Variants in PITPNM3 observed in about 807,000 individuals in gnomAD.
PITPNM3 encodes the protein PITPNM family member 3, also known as membrane-associated phosphatidylinositol transfer protein 3.
In PITPNM3, 26 loss-of-function variants were observed where a neutral mutation model predicts 102.0. The ratio of observed to expected loss-of-function variants is 0.25; its 90% CI spans 0.19 to 0.35. The LOEUF is 0.35. Ranked by LOEUF, PITPNM3 falls within the 10% of genes least tolerant of loss-of-function variation. PITPNM3 has a pLI of 1.00. For missense variants in PITPNM3, 1,083 were observed against 1,346.1 expected (o/e 0.80, Z 3.06); for synonymous variants, 578 against 558.6 (o/e 1.03, Z -0.49).
At chr17:6,474,364 C>T in intron 10 of PITPNM3, 68 bp downstream of exon 10, 1 of 1,555,846 alleles carries the variant, frequency 6.4e-7, no homozygotes, top group Non-Finnish European at 8.8e-7. Flanking sequence ...TCTCCTCATT[C>T]TGAGGCCCTG....
intron 4 of PITPNM3, among the ~76,000 whole-genome samples, chr17:6,503,049 C>A (rs182978865): frequency 6.6e-6 from 1 of 152,288 alleles, no homozygotes; most frequent in East Asian, 1.9e-4. Context: ...CCGGGCACAT[C>A]CAGGAATGAA....
intron 1 of PITPNM3, among the ~76,000 whole-genome samples, chr17:6,540,805 C>G (rs1909691074): frequency 6.6e-6 from 1 of 152,128 alleles, no homozygotes; most frequent in Non-Finnish European, 1.5e-5. Flanking sequence ...ATTACAGGTG[C>G]CTGCCACCAT....
At chr17:6,516,002 G>A (rs912511841) in intron 3 of PITPNM3, among the ~76,000 whole-genome samples, 4 of 152,126 alleles carry the variant, frequency 2.6e-5, no homozygotes, top group African/African-American at 4.8e-5. Context: ...ACAACACAGC[G>A]AGACCCTGTC....
intron 1 of PITPNM3, among the ~76,000 whole-genome samples, chr17:6,544,654 T>TCTCTCTCTCTCACACACACACACA (rs376230474): frequency 7.7e-6 from 1 of 130,206 alleles, no homozygotes; most frequent in African/African-American, 3.1e-5. Context: ...TCTCTCTCTC[T>TCTCTCTCTCTCACACACACACACA]CACACACACA....
rs554958088 is a variant in PITPNM3, at chr17:6,476,098, G to C, written c.1085+931C>G. Among the ~76,000 whole-genome samples, 4 of 152,246 alleles carry C rather than the reference G, an allele frequency of 2.6e-5. No individual in the cohort carries two copies. The South Asian group carries it at 8.3e-4, about 32-fold the overall frequency. On this transcript the variant is annotated intron_variant, in intron 9 of 19. Coordinates refer to ENST00000262483, the MANE Select transcript of PITPNM3 (RefSeq NM_031220.4). ...ATATCCATTCATTCGACATTATATT[G>C]CCATTAAGAATATTTATCAAGTATT...
chr17:6,525,252 C>G (rs539256514), intron 3 of PITPNM3, 104 bp downstream of exon 3: 2 of 1,023,738 alleles, frequency 2.0e-6, no homozygotes, highest in South Asian at 2.5e-5. Context: ...GGCAGATAGA[C>G]TCTTCACAGA....
chr17:6,522,115 G>A (rs773609950), intron 3 of PITPNM3, among the ~76,000 whole-genome samples: 6 of 151,642 alleles, frequency 4.0e-5, no homozygotes, highest in African/African-American at 4.9e-5. Flanking sequence ...AAATATTCAA[G>A]ATTAGTGAAA....
intron 17 of PITPNM3, among the ~76,000 whole-genome samples, chr17:6,463,447 C>CAGGGAGGG (rs1904585985): frequency 7.5e-6 from 1 of 133,820 alleles, no homozygotes; most frequent in African/African-American, 3.1e-5. Context: ...AGGAGGGAGG[C>CAGGGAGGG]AGGGAGGGAA....
Position 6,459,011 on chromosome 17 carries a change from A to G in PITPNM3, c.2491-1289T>C, listed in dbSNP as rs959708388. 8.5e-5 allele frequency among the ~76,000 whole-genome samples: 13 copies of G among 152,120 alleles called. No homozygotes were observed. Among genetic ancestry groups the G allele is most frequent in the Non-Finnish European group, 1.6e-4 (11 of 68,006 alleles). The stretch of plus-strand genomic sequence containing the variant: ...CCTCAGCCCACTGCCCCTCACCTCA[A>G]TGGTTGGTTTATTCCCAACTGGCCT... On this transcript the variant is annotated intron_variant, in intron 18 of 19. Transcript: ENST00000262483. The surrounding 1 kb of genome is among the most constrained non-coding windows in gnomAD (Gnocchi z 5.0).
At chr17:6,484,182 G>C (rs1358259584) in intron 5 of PITPNM3, 34 bp downstream of exon 5, 1 of 1,552,356 alleles carries the variant, frequency 6.4e-7, no homozygotes, top group African/African-American at 1.4e-5. Flanking sequence ...TGGCCTCTGA[G>C]TTGAGCCCAG....
At chr17:6,523,637 A>G (rs1908663113) in intron 3 of PITPNM3, among the ~76,000 whole-genome samples, 1 of 152,202 alleles carries the variant, frequency 6.6e-6, no homozygotes, top group South Asian at 2.1e-4. Flanking sequence ...TTGTCTTTTC[A>G]AGGCTACAAG....
chr17:6,487,364 G>A (rs996418052), intron 4 of PITPNM3, among the ~76,000 whole-genome samples: 5 of 152,174 alleles, frequency 3.3e-5, no homozygotes, highest in African/African-American at 1.2e-4. Flanking sequence ...CACAGGAAGT[G>A]TCACATGGGT....
At chr17:6,536,516 C>G (rs1046692009) in intron 2 of PITPNM3, among the ~76,000 whole-genome samples, 1 of 152,164 alleles carries the variant, frequency 6.6e-6, no homozygotes, top group South Asian at 2.1e-4. Context: ...TTAGGGCTGG[C>G]CTCAGGGAAG....
At chr17:6,530,524 G>A (rs897414437) in intron 2 of PITPNM3, among the ~76,000 whole-genome samples, 6 of 152,200 alleles carry the variant, frequency 3.9e-5, no homozygotes, top group Non-Finnish European at 1.5e-5. Flanking sequence ...GAGAGAGCAA[G>A]AAACCAAGGA....
intron 3 of PITPNM3, among the ~76,000 whole-genome samples, chr17:6,516,765 A>G (rs1484422793): frequency 1.3e-5 from 2 of 149,582 alleles, no homozygotes; most frequent in African/African-American, 4.9e-5. Flanking sequence ...CATGGTGGCA[A>G]ATGCCTGTAA....
rs541391836 is a variant in PITPNM3 at position 6,482,229 on chromosome 17, C to CT, written c.587+1287dup. Among the ~76,000 whole-genome samples, 35 of 152,160 alleles carry CT rather than the reference C, an allele frequency of 2.3e-4. No individual in the cohort carries two copies. The East Asian group carries it at 6.6e-3, about 29-fold the overall frequency. On this transcript the variant is annotated intron_variant, in intron 6 of 19. Transcript: ENST00000262483. ...GAATGCTGCAGAGGCCAAGAAGAAT[C>CT]TGAGCAGACAGGCCCTGTTGGGTTT...
chr17:6,477,068 T>G lies in PITPNM3; in HGVS notation c.1046A>C (p.Asp349Ala). The G allele has an allele frequency of 6.2e-7, 1 of 1,614,148 alleles. No individual in the cohort carries two copies. Among genetic ancestry groups the G allele is most frequent in the South Asian group, 1.1e-5 (1 of 91,066 alleles). The change falls in exon 9 of 20, where the codon GAC becomes GCC. Residue 349 changes from aspartate to alanine, a missense_variant. Asp to Ala is a moderately radical substitution (Grantham distance 126). Transcript: ENST00000262483. Reference sequence around the variant, plus strand: ...ATGGTGCTGGGTGATGGCCTCGCAGTCATAGGTGGAGGAGTCGCTCTGTTT... The same window carrying G: ...ATGGTGCTGGGTGATGGCCTCGCAGGCATAGGTGGAGGAGTCGCTCTGTTT... The part of the protein sequence containing the change: ...PRKQSDSSTY[D>A]CEAITQHHAF...
rs1443760824 is a variant in PITPNM3, at chr17:6,556,355, C to T, written c.22+30G>A. ...ACGCGCGAGTCCCTCCCCCGGGCCC[C>T]GGCCCTGCCCTCCCCGCGCCCGCCC... On this transcript the variant is annotated intron_variant, in intron 1 of 19. Coordinates refer to ENST00000262483, the MANE Select transcript of PITPNM3 (RefSeq NM_031220.4). This position sits in a 1 kb window ranked among gnomAD's most constrained non-coding sequence, Gnocchi z 5.2. 2.9e-6 allele frequency: 4 copies of T among 1,398,906 alleles called. No homozygotes were observed. The highest frequency in any genetic ancestry group is 1.5e-5 in the South Asian group (1 of 67,790). 86.7% of individuals were successfully genotyped at this position (1,398,906 alleles called of 1,614,324 possible). A position where few individuals can be genotyped will look rare whatever the true frequency, so the allele number is the denominator to read the frequency against.
chr17:6,500,986 A>C (rs919040028), intron 4 of PITPNM3, among the ~76,000 whole-genome samples: 3 of 152,194 alleles, frequency 2.0e-5, no homozygotes, highest in Admixed American at 2.0e-4. Context: ...CAATAAGAAC[A>C]TTCTTAAGGA....
Sources: gnomAD v4.1 joint callset for allele counts (sites outside exome capture counted in the v4.1 genomes callset) on GRCh38, gnomAD v4.1.1 for gene constraint, Gnocchi (gnomAD v3.1) non-coding constraint, MANE v1.5 for transcripts, NCBI Gene and HGNC (gene_info 2026-07-23, HGNC 2026-07-21) for gene names.